CDKL4: variants seen among roughly 807,000 people sequenced by gnomAD.
The protein encoded by CDKL4 is cyclin dependent kinase like 4.
In CDKL4, 44 loss-of-function variants were observed where a neutral mutation model predicts 42.0. That is an observed-to-expected ratio of 1.05 (90% CI 0.82 to 1.35). CDKL4 has a LOEUF of 1.35. Among genes scored for constraint, CDKL4 ranks in the 40% most tolerant of loss-of-function variants. The pLI is 0.00. For synonymous variants in CDKL4, 120 were observed against 121.6 expected, an observed-to-expected ratio of 0.99 and a Z score of 0.09; for missense variants, 393 against 369.9, an observed-to-expected ratio of 1.06 and a Z score of -0.51.
chr2:39,233,044 C>CAAAA (rs72150084), intron 1 of CDKL4, among the ~76,000 whole-genome samples: 1,399 of 65,860 alleles, frequency 0.021, 82 homozygotes, highest in Middle Eastern at 0.044. Flanking sequence ...GACTCCATCT[C>CAAAA]AAAAAAAAAA....
intron 1 of CDKL4, among the ~76,000 whole-genome samples, chr2:39,237,188 A>G (rs1194103390): frequency 6.6e-6 from 1 of 152,258 alleles, no homozygotes; most frequent in Non-Finnish European, 1.5e-5. Flanking sequence ...ATCTGGAAAC[A>G]TAAAATAGAT....
the CDKL4 span, among the ~76,000 whole-genome samples, chr2:39,170,011 C>T: frequency 6.6e-6 from 1 of 152,234 alleles, no homozygotes; most frequent in Admixed American, 6.5e-5. Context: ...CAGGCCCACG[C>T]CACCACTCCT....
chr2:39,170,992 C>T (rs977923012), downstream of CDKL4, among the ~76,000 whole-genome samples: 3 of 152,092 alleles, frequency 2.0e-5, no homozygotes, highest in Non-Finnish European at 2.9e-5. Context: ...AATCTCAGCA[C>T]TTTGGGAGGC....
At chr2:39,204,408 C>T in intron 5 of CDKL4, 119 bp downstream of exon 5, 1 of 684,306 alleles carries the variant, frequency 1.5e-6, no homozygotes, top group Non-Finnish European at 2.6e-6. Context: ...GTGAGATTTT[C>T]CTTTTTGAAT....
chr2:39,223,950 G>T (rs1403758334), intron 3 of CDKL4, among the ~76,000 whole-genome samples: 3 of 152,068 alleles, frequency 2.0e-5, no homozygotes, highest in Non-Finnish European at 4.4e-5. Flanking sequence ...GGTAAGGTGA[G>T]GCTCCTTTTC....
intron 1 of CDKL4, among the ~76,000 whole-genome samples, chr2:39,233,044 CA>C (rs72150084): frequency 6.3e-3 from 416 of 66,132 alleles, no homozygotes; most frequent in South Asian, 0.061. Context: ...GACTCCATCT[CA>C]AAAAAAAAAA....
At chr2:39,182,225 G>A (rs1337614316) in intron 8 of CDKL4, among the ~76,000 whole-genome samples, 2 of 152,054 alleles carry the variant, frequency 1.3e-5, no homozygotes, top group African/African-American at 4.8e-5. Flanking sequence ...GCCTGGGCTC[G>A]AGTGATCCTC....
chr2:39,184,866 C>G (rs998197356), intron 7 of CDKL4, among the ~76,000 whole-genome samples: 1 of 151,724 alleles, frequency 6.6e-6, no homozygotes. Context: ...TCCTAAGTAT[C>G]TAGGACTACA....
At chr2:39,177,535 G>A (rs1675216464) in intron 9 of CDKL4, among the ~76,000 whole-genome samples, 1 of 150,978 alleles carries the variant, frequency 6.6e-6, no homozygotes, top group African/African-American at 2.4e-5. Flanking sequence ...CCCCCAAGTA[G>A]CTGGGATTAC....
In CDKL4 at chr2:39,243,870, C is replaced by A. The variant is rs1381009759; in HGVS notation, c.-57+1G>T. 1.3e-5 allele frequency among the ~76,000 whole-genome samples: 2 copies of A among 152,268 alleles called. No individual in the cohort carries two copies. The highest frequency in any genetic ancestry group is 6.5e-5 in the Admixed American group (1 of 15,294). On this transcript the variant is annotated splice_donor_variant, in intron 1 of 9. Coordinates refer to ENST00000451199, the Ensembl canonical transcript of CDKL4. LOFTEE classifies it low-confidence loss of function (5UTR_SPLICE). ...CCGCCACCGGCAGAATCCGCACTTA[C>A]TGCACCCACAGGGCGACGGTGACGA... is the stretch of plus-strand genomic sequence containing the variant.
chr2:39,240,841 T>C (rs978082148), intron 1 of CDKL4, among the ~76,000 whole-genome samples: 2 of 152,212 alleles, frequency 1.3e-5, no homozygotes, highest in Non-Finnish European at 2.9e-5. Flanking sequence ...TGTGGTATTC[T>C]TGGCAAAAAT....
chr2:39,168,424 T>C, the CDKL4 span, among the ~76,000 whole-genome samples: 1 of 152,134 alleles, frequency 6.6e-6, no homozygotes, highest in South Asian at 2.1e-4. Context: ...TTAAGCAAAT[T>C]TTGGGGTAAA....
At chr2:39,245,314 T>C (rs1219049920), upstream of CDKL4, among the ~76,000 whole-genome samples, 1 of 151,918 alleles carries the variant, frequency 6.6e-6, no homozygotes, top group Non-Finnish European at 1.5e-5. Flanking sequence ...CCTTAAGAGC[T>C]GTAACACTCA....
exon 9 of CDKL4, chr2:39,179,285 A>G (rs1298869525): frequency 1.2e-6 from 2 of 1,608,916 alleles, no homozygotes; most frequent in African/African-American, 1.3e-5. Context: ...AGTTGGGAAC[A>G]GGTTAATCTG....
chr2:39,212,212 T>C (rs919031701), intron 4 of CDKL4, among the ~76,000 whole-genome samples: 10 of 151,900 alleles, frequency 6.6e-5, no homozygotes, highest in Admixed American at 4.6e-4. Flanking sequence ...GCTTGAGAAC[T>C]ACGGCTATAA....
intron 8 of CDKL4, among the ~76,000 whole-genome samples, chr2:39,182,409 G>A (rs1489484580): frequency 6.6e-6 from 1 of 152,202 alleles, no homozygotes; most frequent in South Asian, 2.1e-4. Context: ...CTAATGCTGA[G>A]CTCTCTCCAT....
chr2:39,182,218 T>G (rs1395696763), intron 8 of CDKL4, among the ~76,000 whole-genome samples: 1 of 152,182 alleles, frequency 6.6e-6, no homozygotes, highest in Non-Finnish European at 1.5e-5. Context: ...CTCAAATGCC[T>G]GGGCTCGAGT....
downstream of CDKL4, among the ~76,000 whole-genome samples, chr2:39,170,891 C>A (rs570181124): frequency 3.9e-5 from 6 of 152,160 alleles, no homozygotes; most frequent in African/African-American, 1.4e-4. Flanking sequence ...TGACAAATGA[C>A]TAAGAAAGTG....
chr2:39,208,571 G>C (rs1358966751), intron 4 of CDKL4, among the ~76,000 whole-genome samples: 1 of 152,068 alleles, frequency 6.6e-6, no homozygotes, highest in African/African-American at 2.4e-5. Flanking sequence ...TTGAACTCCT[G>C]ACCTCAGGTG....
Sources: gnomAD v4.1 joint callset for allele counts (sites outside exome capture counted in the v4.1 genomes callset) on GRCh38, gnomAD v4.1.1 for gene constraint, MANE v1.5 for transcripts, NCBI Gene and HGNC (gene_info 2026-07-23, HGNC 2026-07-21) for gene names.